RRAS2: variants seen among roughly 807,000 people sequenced by gnomAD.
RRAS2 encodes RAS related 2, also known as ras-related protein R-Ras2.
RRAS2 carries 7 observed loss-of-function variants against 27.6 expected under a neutral mutation model. The observed-to-expected ratio is 0.25, with a 90% CI of 0.14 to 0.48. The LOEUF (loss-of-function observed/expected upper bound fraction) is 0.48, where lower values mean the gene tolerates loss of function less well. Ranked by LOEUF, RRAS2 falls within the 20% of genes least tolerant of loss-of-function variation. RRAS2 has a pLI of 0.99. For synonymous variants in RRAS2, 86 were observed against 90.9 expected (o/e 0.95, Z 0.31); for missense variants, 178 against 256.2 (o/e 0.69, Z 2.08).
chr11:14,355,818 T>C (rs1849061124), intron 1 of RRAS2, among the ~76,000 whole-genome samples: 1 of 152,216 alleles, frequency 6.6e-6, no homozygotes, highest in Non-Finnish European at 1.5e-5. Context: ...GACTTCTGCT[T>C]ATTAAAATGA....
chr11:14,345,163 T>C (rs1432692553), intron 1 of RRAS2, among the ~76,000 whole-genome samples: 1 of 151,942 alleles, frequency 6.6e-6, no homozygotes, highest in African/African-American at 2.4e-5. Flanking sequence ...ATTTTGTATT[T>C]TTAGTAGAGA....
intron 1 of RRAS2, among the ~76,000 whole-genome samples, chr11:14,324,222 A>G (rs1469297866): frequency 2.6e-5 from 4 of 152,034 alleles, no homozygotes; most frequent in Admixed American, 6.6e-5. Flanking sequence ...TTTGGATATA[A>G]AAGTCTACAT....
rs566694303 is a variant in RRAS2, at chr11:14,284,989, T to G, written c.409-3269A>C. On this transcript the variant is annotated intron_variant, in intron 4 of 5. Transcript: ENST00000256196. ...TTTTAATTGAGACATTTGGGCAATT[T>G]ACATTTAATGTGCTCATGGATACAG... Among the ~76,000 whole-genome samples the G allele has an allele frequency of 7.4e-4, 112 of 152,338 alleles. 1 individual carries two copies. The highest frequency in any genetic ancestry group is 2.6e-3 in the African/African-American group (108 of 41,586).
chr11:14,336,664 A>G (rs1404469109), intron 1 of RRAS2, among the ~76,000 whole-genome samples: 1 of 152,232 alleles, frequency 6.6e-6, no homozygotes, highest in Non-Finnish European at 1.5e-5. Context: ...AATGCACAAC[A>G]GTAGAAACTA....
chr11:14,310,007 G>A (rs1306454474), intron 1 of RRAS2, among the ~76,000 whole-genome samples: 1 of 152,170 alleles, frequency 6.6e-6, no homozygotes, highest in Non-Finnish European at 1.5e-5. Context: ...AAAGAAAATT[G>A]CAGCTTGAAG....
At chr11:14,286,486 C>T (rs1477780384) in intron 4 of RRAS2, among the ~76,000 whole-genome samples, 2 of 152,156 alleles carry the variant, frequency 1.3e-5, no homozygotes, top group African/African-American at 4.8e-5. Flanking sequence ...TCCAATACTC[C>T]AAGAAATATA....
chr11:14,342,650 T>C (rs1848740066), intron 1 of RRAS2, among the ~76,000 whole-genome samples: 2 of 152,212 alleles, frequency 1.3e-5, no homozygotes, highest in Non-Finnish European at 1.5e-5. Context: ...GAACATGATA[T>C]TATACCTTTT....
At position 14,355,227 on chromosome 11, in the gene RRAS2, G is replaced by A. The variant is rs191364217; in HGVS notation, c.108+3536C>T. On this transcript the variant is annotated intron_variant, in intron 1 of 5. Transcript: ENST00000256196. ...TGTTCAACCAAACCCAACATTTCATGGGGAAGAAAGAGAAGCTCAGTCGAG... is the reference window on the plus strand; with the variant it reads ...TGTTCAACCAAACCCAACATTTCATAGGGAAGAAAGAGAAGCTCAGTCGAG... Among the ~76,000 whole-genome samples the A allele has an allele frequency of 1.7e-3, 255 of 151,502 alleles. 1 individual carries two copies. Among genetic ancestry groups the A allele is most frequent in the Middle Eastern group, 7.0e-3 (2 of 286 alleles).
chr11:14,284,514 G>C (rs1849614439), intron 4 of RRAS2, among the ~76,000 whole-genome samples: 1 of 152,262 alleles, frequency 6.6e-6, no homozygotes, highest in South Asian at 2.1e-4. Flanking sequence ...AGGATATGTT[G>C]TGTTCAGTAT....
chr11:14,286,037 T>C (rs1346015001), intron 4 of RRAS2, among the ~76,000 whole-genome samples: 2 of 152,228 alleles, frequency 1.3e-5, no homozygotes, highest in African/African-American at 2.4e-5. Flanking sequence ...AGTGCATTTT[T>C]CATGTCAGAC....
chr11:14,339,730 T>C (rs1848661220), intron 1 of RRAS2, among the ~76,000 whole-genome samples: 1 of 152,210 alleles, frequency 6.6e-6, no homozygotes. Context: ...TTTTAAAAAG[T>C]TAAATAATTT....
intron 1 of RRAS2, among the ~76,000 whole-genome samples, chr11:14,348,918 C>G (rs574948994): frequency 6.6e-6 from 1 of 152,090 alleles, no homozygotes; most frequent in African/African-American, 2.4e-5. Context: ...TACAGATGTA[C>G]GCATGTGTAT....
chr11:14,358,730 C>A lies in RRAS2; in HGVS notation c.108+33G>T, dbSNP rs782528964. On this transcript the variant is annotated intron_variant, in intron 1 of 5. Coordinates refer to ENST00000256196, the MANE Select transcript of RRAS2 (RefSeq NM_012250.6). This position sits in a 1 kb window ranked among gnomAD's most constrained non-coding sequence, Gnocchi z 5.1. ...TAGCGCCAGCCCCCGCCCGCCGCCG[C>A]TCCGGCGCCCCGGGCAGGCCCGCTC... 1.7e-5 allele frequency: 21 copies of A among 1,256,396 alleles called. No homozygotes were observed. Among genetic ancestry groups the A allele is most frequent in the Non-Finnish European group, 2.1e-5 (21 of 992,600 alleles). 77.8% of individuals were successfully genotyped at this position (1,256,396 alleles called of 1,614,324 possible). A position where few individuals can be genotyped will look rare whatever the true frequency, so the allele number is the denominator to read the frequency against.
intron 1 of RRAS2, among the ~76,000 whole-genome samples, chr11:14,338,288 G>A (rs1463193841): frequency 6.6e-6 from 1 of 152,144 alleles, no homozygotes; most frequent in African/African-American, 2.4e-5. Flanking sequence ...AGTTGCATAA[G>A]GACGCAGATA....
intron 4 of RRAS2, among the ~76,000 whole-genome samples, chr11:14,284,420 T>G (rs1849612870): frequency 1.3e-5 from 2 of 152,194 alleles, no homozygotes. Flanking sequence ...TTAAATTTAT[T>G]GAGGCTTACT....
At chr11:14,353,709 GAACAA>G (rs544323485) in intron 1 of RRAS2, among the ~76,000 whole-genome samples, 3 of 151,834 alleles carry the variant, frequency 2.0e-5, no homozygotes, top group Admixed American at 1.3e-4. Context: ...GAAAGAGAAT[GAACAA>G]AACAAGAATA....
chr11:14,354,951 A>G (rs1849041867), intron 1 of RRAS2, among the ~76,000 whole-genome samples: 1 of 152,122 alleles, frequency 6.6e-6, no homozygotes, highest in Non-Finnish European at 1.5e-5. Context: ...TGCTGGGATT[A>G]CAGGTGTGAG....
intron 1 of RRAS2, among the ~76,000 whole-genome samples, chr11:14,328,681 T>TC (rs1489233966): frequency 6.6e-6 from 1 of 151,930 alleles, no homozygotes; most frequent in Non-Finnish European, 1.5e-5. Flanking sequence ...TTTTTTTTTT[T>TC]CAACAAGAGT....
upstream of RRAS2, among the ~76,000 whole-genome samples, chr11:14,364,032 T>A (rs1034085546): frequency 4.5e-4 from 69 of 152,256 alleles, no homozygotes; most frequent in African/African-American, 1.2e-3. Context: ...ATCACACCAT[T>A]GCACTCCAGC....
Sources: gnomAD v4.1 joint callset for allele counts (sites outside exome capture counted in the v4.1 genomes callset) on GRCh38, gnomAD v4.1.1 for gene constraint, Gnocchi (gnomAD v3.1) non-coding constraint, MANE v1.5 for transcripts, NCBI Gene and HGNC (gene_info 2026-07-23, HGNC 2026-07-21) for gene names.